PTGR1: variants seen among roughly 807,000 people sequenced by gnomAD.
PTGR1 encodes the protein 15-oxoprostaglandin 13-reductase.
In PTGR1, 23 loss-of-function variants were observed where a neutral mutation model predicts 37.7. That is an observed-to-expected ratio of 0.61 (90% CI 0.44 to 0.86). The LOEUF is 0.86. PTGR1 is among the 40% of genes least tolerant of loss of function. The pLI is 0.00. For synonymous variants in PTGR1, 134 were observed against 140.0 expected, an observed-to-expected ratio of 0.96 and a Z score of 0.30; for missense variants, 351 against 394.3, an observed-to-expected ratio of 0.89 and a Z score of 0.93.
At chr9:111,595,224 A>G (rs1225390794) in intron 2 of PTGR1, among the ~76,000 whole-genome samples, 1 of 152,142 alleles carries the variant, frequency 6.6e-6, no homozygotes. Flanking sequence ...CTGTGCTTCT[A>G]TCGCAGAGAC....
chr9:111,565,782 C>A (rs1828535807), intron 9 of PTGR1, among the ~76,000 whole-genome samples: 1 of 152,116 alleles, frequency 6.6e-6, no homozygotes, highest in South Asian at 2.1e-4. Flanking sequence ...GCCTCACCCT[C>A]CTAAAGTGCT....
At chr9:111,561,108 T>TAGAGAGAGAGAGAG (rs1468727296), downstream of PTGR1, among the ~76,000 whole-genome samples, 16 of 20,860 alleles carry the variant, frequency 7.7e-4, 1 homozygote, top group South Asian at 1.6e-3. Flanking sequence ...TATATATATA[T>TAGAGAGAGAGAGAG]ATAGAGAGAG....
At chr9:111,561,473 C>T, downstream of PTGR1, among the ~76,000 whole-genome samples, 1 of 152,114 alleles carries the variant, frequency 6.6e-6, no homozygotes, top group East Asian at 1.9e-4. Context: ...GGGTATTGTC[C>T]AGTCTGGTCT....
chr9:111,559,072 C>T (rs1419414814), downstream of PTGR1, among the ~76,000 whole-genome samples: 3 of 152,114 alleles, frequency 2.0e-5, no homozygotes, highest in Non-Finnish European at 4.4e-5. Context: ...TCTGCTCATG[C>T]TGGGCCATGC....
intron 4 of PTGR1, among the ~76,000 whole-genome samples, chr9:111,588,515 C>G (rs1268437653): frequency 1.3e-5 from 2 of 151,396 alleles, no homozygotes; most frequent in Non-Finnish European, 2.9e-5. Flanking sequence ...CAGGCGTGAG[C>G]CACGTGCCTG....
At chr9:111,561,108 T>TAGAGAGAGAGAGAGAG (rs1468727296), downstream of PTGR1, among the ~76,000 whole-genome samples, 5 of 20,860 alleles carry the variant, frequency 2.4e-4, 1 homozygote, top group African/African-American at 3.9e-4. Flanking sequence ...TATATATATA[T>TAGAGAGAGAGAGAGAG]ATAGAGAGAG....
chr9:111,562,336 C>T (rs922067576), downstream of PTGR1, among the ~76,000 whole-genome samples: 14 of 148,920 alleles, frequency 9.4e-5, no homozygotes, highest in African/African-American at 2.5e-4. Context: ...AGTACAGTGG[C>T]GCAATCTCAG....
At chr9:111,578,770 A>T in intron 7 of PTGR1, 26 bp downstream of exon 7, 1 of 1,577,224 alleles carries the variant, frequency 6.3e-7, no homozygotes, top group Non-Finnish European at 8.6e-7. Flanking sequence ...ATAATAAATT[A>T]GATATTAAGT....
intron 7 of PTGR1, chr9:111,577,131 C>A (rs1162817396): frequency 6.6e-6 from 1 of 151,800 alleles, no homozygotes; most frequent in Admixed American, 6.6e-5. Context: ...TAACCTAGTT[C>A]AAAAATGGGC....
intron 4 of PTGR1, among the ~76,000 whole-genome samples, chr9:111,591,370 C>CTTTT (rs756079285): frequency 8.2e-5 from 10 of 122,072 alleles, no homozygotes; most frequent in Non-Finnish European, 1.0e-4. Flanking sequence ...TTTTCTTTTT[C>CTTTT]TTTTTTTTTT....
chr9:111,557,750 A>T (rs1828166825), downstream of PTGR1, among the ~76,000 whole-genome samples: 1 of 152,144 alleles, frequency 6.6e-6, no homozygotes, highest in Non-Finnish European at 1.5e-5. Context: ...ATTATGGATG[A>T]TGTTAACCTT....
intron 9 of PTGR1, chr9:111,549,802 G>A: frequency 6.6e-7 from 1 of 1,510,124 alleles, no homozygotes; most frequent in South Asian, 1.2e-5. Context: ...CTTTTGATCT[G>A]TCAACACAAT....
intron 8 of PTGR1, 114 bp downstream of exon 8, chr9:111,574,620 A>G: frequency 4.3e-6 from 3 of 699,434 alleles, no homozygotes; most frequent in South Asian, 4.7e-5. Context: ...AAAAAAAAAA[A>G]GAATATATGA....
chr9:111,553,804 A>G (rs1337653252), intron 9 of PTGR1, among the ~76,000 whole-genome samples: 1 of 152,240 alleles, frequency 6.6e-6, no homozygotes, highest in Non-Finnish European at 1.5e-5. Flanking sequence ...CACTAGCCTC[A>G]AGTGACTACC....
intron 2 of PTGR1, among the ~76,000 whole-genome samples, chr9:111,594,894 G>A (rs1209995758): frequency 5.6e-4 from 52 of 92,564 alleles, no homozygotes; most frequent in East Asian, 2.8e-3. Flanking sequence ...TTGTTCTGTT[G>A]CCCAGGCTGG....
chr9:111,594,369 G>C (rs148764386), intron 2 of PTGR1, 102 bp from the exon 3 acceptor site: 1 of 1,035,630 alleles, frequency 9.7e-7, no homozygotes, highest in African/African-American at 1.6e-5. Context: ...AGGGACAAGG[G>C]TTGAGAAACC....
At chr9:111,567,517 G>A (rs982770414) in intron 9 of PTGR1, among the ~76,000 whole-genome samples, 6 of 152,156 alleles carry the variant, frequency 3.9e-5, no homozygotes, top group African/African-American at 9.7e-5. Context: ...CTTGCAGGAC[G>A]TGAGAGAATT....
At position 111,562,776 on chromosome 9, in the gene PTGR1, G is replaced by A. The variant is rs928344775; in HGVS notation, c.*345C>T. 4.5e-5 allele frequency: 11 copies of A among 242,300 alleles called. No individual in the cohort carries two copies. Among genetic ancestry groups the A allele is most frequent in the East Asian group, 2.3e-4 (2 of 8,636 alleles). The allele number at this position is 242,300 out of a possible 1,614,324, so 15.0% of individuals were successfully genotyped here. A position where few individuals can be genotyped will look rare whatever the true frequency, so the allele number is the denominator to read the frequency against. ...CACCCCGGCTTCCACAGGCCCCAGC[G>A]TGTGTTGTTCCCCTCCCTATGTCCA... is the stretch of plus-strand genomic sequence containing the variant. On this transcript the variant is annotated 3_prime_UTR_variant, in exon 10 of 10. Coordinates refer to ENST00000407693, the MANE Select transcript of PTGR1 (RefSeq NM_001146108.2).
chr9:111,558,761 AT>A (rs1228499799), downstream of PTGR1, among the ~76,000 whole-genome samples: 2 of 152,088 alleles, frequency 1.3e-5, no homozygotes, highest in South Asian at 2.1e-4. Flanking sequence ...ACACATACCT[AT>A]TTTTTTGTCT....
Sources: allele counts gnomAD v4.1 joint callset (sites outside exome capture counted in the v4.1 genomes callset), GRCh38; gene constraint gnomAD v4.1.1; transcripts MANE v1.5; gene names NCBI Gene and HGNC (gene_info 2026-07-23, HGNC 2026-07-21).